Variants in DNAJC12 observed in about 807,000 individuals in gnomAD.
DNAJC12 encodes DnaJ heat shock protein family (Hsp40) member C12.
DNAJC12 carries 25 observed loss-of-function variants against 28.5 expected under a neutral mutation model. That is an observed-to-expected ratio of 0.88 (90% CI 0.64 to 1.22). DNAJC12 has a LOEUF of 1.22. Ranked by LOEUF, DNAJC12 falls within the 50% of genes most tolerant of loss-of-function variation. The pLI, the probability that DNAJC12 is intolerant of heterozygous loss-of-function variation, is 0.00. For synonymous variants in DNAJC12, 77 were observed against 80.6 expected, an observed-to-expected ratio of 0.95 and a Z score of 0.24; for missense variants, 222 against 231.7, an observed-to-expected ratio of 0.96 and a Z score of 0.27.
At chr10:67,800,781 T>C (rs1841735119) in intron 4 of DNAJC12, among the ~76,000 whole-genome samples, 1 of 152,030 alleles carries the variant, frequency 6.6e-6, no homozygotes, top group Non-Finnish European at 1.5e-5. Flanking sequence ...CCGTCTCTAC[T>C]AAAAACACAA....
Position 67,811,524 on chromosome 10 carries a change from C to G in DNAJC12, c.297G>C (p.Thr99=). The G allele has an allele frequency of 1.2e-6, 2 of 1,614,044 alleles. No homozygotes were observed. The highest frequency in any genetic ancestry group is 1.7e-6 in the Non-Finnish European group (2 of 1,179,994). Residue 99 remains threonine (T), a splice_region_variant and synonymous_variant, in exon 3 of 5, where the codon ACG becomes ACC. Coordinates refer to ENST00000225171, the MANE Select transcript of DNAJC12 (RefSeq NM_021800.3). ...ACGTCGCACCCAGCGAGAAACCCACCGTCTTCACTGAGTCATTCAAAGCTT... is the reference window on the plus strand; with the variant it reads ...ACGTCGCACCCAGCGAGAAACCCACGGTCTTCACTGAGTCATTCAAAGCTT... ...QWEALNDSVK[T]SMHWVVRGKK...
At chr10:67,822,896 G>C (rs1841994261) in intron 2 of DNAJC12, among the ~76,000 whole-genome samples, 1 of 152,000 alleles carries the variant, frequency 6.6e-6, no homozygotes, top group Admixed American at 6.6e-5. Context: ...TCAGGAGGCT[G>C]AGGCAGGAGA....
intron 1 of DNAJC12, among the ~76,000 whole-genome samples, chr10:67,828,658 C>T (rs1254476056): frequency 6.8e-6 from 1 of 147,864 alleles, no homozygotes; most frequent in African/African-American, 2.5e-5. Flanking sequence ...ATTCTATTTT[C>T]TCTCTCTCTC....
chr10:67,811,520 C>G lies in DNAJC12; in HGVS notation c.297+4G>C, dbSNP rs1234026628. 5 of 1,613,958 alleles carry G rather than the reference C, an allele frequency of 3.1e-6. No homozygotes were observed. The highest frequency in any genetic ancestry group is 2.7e-5 in the African/African-American group (2 of 74,914). On this transcript the variant is annotated splice_donor_region_variant and intron_variant, in intron 3 of 4. Coordinates refer to ENST00000225171, the MANE Select transcript of DNAJC12 (RefSeq NM_021800.3). ...ATTCACGTCGCACCCAGCGAGAAAC[C>G]CACCGTCTTCACTGAGTCATTCAAA...
At chr10:67,836,367 G>GAA (rs74547006) in intron 1 of DNAJC12, among the ~76,000 whole-genome samples, 2 of 96,412 alleles carry the variant, frequency 2.1e-5, no homozygotes, top group Admixed American at 2.2e-4. Context: ...AAGTAAAATT[G>GAA]AAAAAAAAAA....
chr10:67,833,994 A>G (rs533822509), intron 1 of DNAJC12: 1 of 457,132 alleles, frequency 2.2e-6, no homozygotes, highest in South Asian at 1.6e-5. Context: ...AAAAGGGAAA[A>G]TAAGAGATGC....
At chr10:67,799,460 GA>G (rs1304231239) in intron 4 of DNAJC12, among the ~76,000 whole-genome samples, 2 of 152,186 alleles carry the variant, frequency 1.3e-5, no homozygotes, top group African/African-American at 2.4e-5. Flanking sequence ...TAACACAAAT[GA>G]AAATATACCA....
At chr10:67,808,267 A>C (rs1229931273) in intron 3 of DNAJC12, among the ~76,000 whole-genome samples, 1 of 152,252 alleles carries the variant, frequency 6.6e-6, no homozygotes, top group Non-Finnish European at 1.5e-5. Context: ...GAGAGTCTAC[A>C]GCAAGATAAT....
chr10:67,830,590 A>C (rs1204468959), intron 1 of DNAJC12, among the ~76,000 whole-genome samples: 2 of 151,420 alleles, frequency 1.3e-5, no homozygotes, highest in Non-Finnish European at 2.9e-5. Flanking sequence ...CCTGGGCGAC[A>C]GAGCAAGACT....
At chr10:67,804,242 T>C (rs1364698795) in intron 4 of DNAJC12, among the ~76,000 whole-genome samples, 1 of 152,122 alleles carries the variant, frequency 6.6e-6, no homozygotes, top group African/African-American at 2.4e-5. Context: ...GATAGACAAA[T>C]GATACAAACA....
At chr10:67,825,032 G>T (rs1842016401) in intron 1 of DNAJC12, among the ~76,000 whole-genome samples, 1 of 152,172 alleles carries the variant, frequency 6.6e-6, no homozygotes, top group South Asian at 2.1e-4. Context: ...ACCGTACCTG[G>T]GAAGACGGCT....
intron 2 of DNAJC12, among the ~76,000 whole-genome samples, chr10:67,822,966 G>C (rs1841994862): frequency 6.6e-6 from 1 of 151,756 alleles, no homozygotes; most frequent in African/African-American, 2.4e-5. Context: ...CTGCACTCCA[G>C]CCTGGGCGAC....
chr10:67,837,348 A>T lies in DNAJC12; in HGVS notation c.78+586T>A, dbSNP rs187662029. 2.3e-4 allele frequency among the ~76,000 whole-genome samples: 35 copies of T among 152,248 alleles called. No individual in the cohort carries two copies. In the East Asian group the frequency reaches 6.6e-3, roughly 29 times the overall value. ...TTATAATTGTTTATTGAGAACTTTA[A>T]AAATTTTGTTTTCTTACAGATCCAG... On this transcript the variant is annotated intron_variant, in intron 1 of 4. Transcript: ENST00000225171.
chr10:67,798,925 CG>C (rs1841708672), intron 4 of DNAJC12, among the ~76,000 whole-genome samples: 1 of 151,920 alleles, frequency 6.6e-6, no homozygotes, highest in Non-Finnish European at 1.5e-5. Context: ...CCACCACACC[CG>C]GCTAATTTTT....
At chr10:67,837,473 TC>T (rs1842151786) in intron 1 of DNAJC12, among the ~76,000 whole-genome samples, 1 of 152,130 alleles carries the variant, frequency 6.6e-6, no homozygotes. Flanking sequence ...AAGGGATGCT[TC>T]TTTGTTTCTA....
intron 4 of DNAJC12, among the ~76,000 whole-genome samples, chr10:67,797,564 G>A (rs867229664): frequency 1.3e-5 from 2 of 152,068 alleles, no homozygotes; most frequent in South Asian, 4.1e-4. Flanking sequence ...AATGGCAAAA[G>A]GATCGCTTGA....
chr10:67,829,021 C>A lies in DNAJC12; in HGVS notation c.79-5629G>T, dbSNP rs529727304. Among the ~76,000 whole-genome samples, 6 of 152,216 alleles carry A rather than the reference C, an allele frequency of 3.9e-5. No individual in the cohort carries two copies. The South Asian group carries it at 1.2e-3, about 32-fold the overall frequency. ...GCGCAGAGGGAGGTGGGGGGAAAGTCTCTGGAGCAACTGCCAAACTTCACC... is the reference window on the plus strand; with the variant it reads ...GCGCAGAGGGAGGTGGGGGGAAAGTATCTGGAGCAACTGCCAAACTTCACC... On this transcript the variant is annotated intron_variant, in intron 1 of 4. Transcript: ENST00000225171.
intron 2 of DNAJC12, among the ~76,000 whole-genome samples, chr10:67,815,586 A>C (rs541933636): frequency 6.6e-6 from 1 of 152,224 alleles, no homozygotes; most frequent in East Asian, 1.9e-4. Context: ...GAACAAATAA[A>C]AGTATCTTGC....
intron 1 of DNAJC12, among the ~76,000 whole-genome samples, chr10:67,823,700 C>CA (rs11334526): frequency 1.4e-5 from 2 of 147,936 alleles, no homozygotes; most frequent in African/African-American, 5.0e-5. Flanking sequence ...GATCTTATCT[C>CA]AAAAAAAAAA....
Sources: gnomAD v4.1 joint callset for allele counts (sites outside exome capture counted in the v4.1 genomes callset) on GRCh38, gnomAD v4.1.1 for gene constraint, MANE v1.5 for transcripts, NCBI Gene and HGNC (gene_info 2026-07-23, HGNC 2026-07-21) for gene names.